Variants in ADAMTS17 observed in about 807,000 individuals in gnomAD.
ADAMTS17 encodes ADAM metallopeptidase with thrombospondin type 1 motif 17.
ADAMTS17 carries 113 observed loss-of-function variants against 141.5 expected under a neutral mutation model. The observed-to-expected ratio is 0.80, with a 90% CI of 0.69 to 0.93. The LOEUF is 0.93. ADAMTS17 is among the 40% of genes least tolerant of loss of function. The pLI is 0.00. For missense variants in ADAMTS17, 1,659 were observed against 1,517.9 expected, an observed-to-expected ratio of 1.09 and a Z score of -1.54; for synonymous variants, 768 against 630.6, an observed-to-expected ratio of 1.22 and a Z score of -3.27.
At chr15:100,007,289 T>A (rs1053540967) in intron 18 of ADAMTS17, among the ~76,000 whole-genome samples, 5 of 152,104 alleles carry the variant, frequency 3.3e-5, no homozygotes, top group Non-Finnish European at 7.4e-5. Flanking sequence ...GGATGTCTGG[T>A]CCACACCTTA....
chr15:100,277,215 C>T (rs780653201), intron 4 of ADAMTS17, among the ~76,000 whole-genome samples: 10 of 152,110 alleles, frequency 6.6e-5, no homozygotes, highest in African/African-American at 1.4e-4. Flanking sequence ...GTGTTAGCCC[C>T]GGGTCTGCCC....
intron 15 of ADAMTS17, chr15:100,063,814 C>T (rs77341156): frequency 0.058 from 71,352 of 1,221,990 alleles, 2,198 homozygotes; most frequent in African/African-American, 0.064. Context: ...CACCAGAGGC[C>T]GTGCAGCATC....
At chr15:100,139,388 G>C (rs1196571911) in intron 10 of ADAMTS17, among the ~76,000 whole-genome samples, 1 of 152,192 alleles carries the variant, frequency 6.6e-6, no homozygotes, top group Non-Finnish European at 1.5e-5. Context: ...GAGGATGTTT[G>C]GCAATGTCCG....
chr15:100,148,497 G>T, intron 10 of ADAMTS17, among the ~76,000 whole-genome samples: 1 of 151,482 alleles, frequency 6.6e-6, no homozygotes, highest in Non-Finnish European at 1.5e-5. Flanking sequence ...ATTTTTGCTG[G>T]GTATAGAATT....
chr15:99,999,424 G>A (rs753124840), intron 18 of ADAMTS17, among the ~76,000 whole-genome samples: 1 of 152,186 alleles, frequency 6.6e-6, no homozygotes, highest in Non-Finnish European at 1.5e-5. Context: ...CATCTCAGGA[G>A]AGCCTGGGAG....
At chr15:100,051,449 G>T in intron 17 of ADAMTS17, 123 bp downstream of exon 17, 1 of 1,398,472 alleles carries the variant, frequency 7.2e-7, no homozygotes, top group Non-Finnish European at 1.0e-6. Context: ...GGTGGGATAT[G>T]GTTAAATTCC....
Position 100,133,623 on chromosome 15 carries a change from C to A in ADAMTS17, c.1474-308G>T, listed in dbSNP as rs1046745489. On this transcript the variant is annotated intron_variant, in intron 10 of 21. Transcript: ENST00000268070. ...ACAGCCCTGGCCAGGAGCAGCAGCC[C>A]CTGCCTCCCAGGAGTGATGAGCAAA... is the stretch of plus-strand genomic sequence containing the variant. 3.3e-5 allele frequency among the ~76,000 whole-genome samples: 5 copies of A among 152,240 alleles called. No individual in the cohort carries two copies. In the East Asian group the frequency reaches 7.7e-4, roughly 24 times the overall value.
rs151063068 is a variant in ADAMTS17, at chr15:100,232,699, G to A, written c.1075+21437C>T. ...TGGACAAGTTATGTGACCCCACCAA[G>A]CCTGTTTCCTGAATAGCAGGAGTGA... On this transcript the variant is annotated intron_variant, in intron 7 of 21. Transcript: ENST00000268070. Among the ~76,000 whole-genome samples the A allele has an allele frequency of 1.2e-3, 190 of 152,348 alleles. 1 individual carries two copies. Among genetic ancestry groups the A allele is most frequent in the African/African-American group, 4.2e-3 (175 of 41,590 alleles).
At chr15:100,021,517 C>T (rs2141447543) in intron 18 of ADAMTS17, among the ~76,000 whole-genome samples, 1 of 152,264 alleles carries the variant, frequency 6.6e-6, no homozygotes, top group Non-Finnish European at 1.5e-5. Context: ...TCCAAGTAAC[C>T]TATGCTTCTC....
intron 13 of ADAMTS17, among the ~76,000 whole-genome samples, chr15:100,114,312 G>A (rs556721264): frequency 1.3e-5 from 2 of 152,078 alleles, no homozygotes; most frequent in Non-Finnish European, 2.9e-5. Context: ...AGAGCCCGGA[G>A]CCCAACCACA....
intron 7 of ADAMTS17, among the ~76,000 whole-genome samples, chr15:100,249,681 C>G (rs2043094272): frequency 6.6e-6 from 1 of 152,208 alleles, no homozygotes; most frequent in African/African-American, 2.4e-5. Context: ...CCAGTAGGTG[C>G]CCTTGGCTCA....
Position 100,063,607 on chromosome 15 carries a change from C to T in ADAMTS17, c.2138-9553G>A, listed in dbSNP as rs1056284210. ...ATAACCCGGGAGGAATGACACTGAA[C>T]CAATTTACCAGACTGATCATCAAAA... On this transcript the variant is annotated intron_variant, in intron 15 of 21. Coordinates refer to ENST00000268070, the MANE Select transcript of ADAMTS17 (RefSeq NM_139057.4). 7.2e-6 allele frequency: 9 copies of T among 1,254,584 alleles called. No homozygotes were observed. In the East Asian group the frequency reaches 4.5e-4, roughly 62 times the overall value. 77.7% of individuals were successfully genotyped at this position (1,254,584 alleles called of 1,614,324 possible).
rs191606671 is a variant in ADAMTS17, at chr15:100,195,129, A to G, written c.1181+4189T>C. On this transcript the variant is annotated intron_variant, in intron 8 of 21. Transcript: ENST00000268070. The stretch of plus-strand genomic sequence containing the variant: ...CACGGGCAAGAAGACAACCAAGGGC[A>G]CGGGTGTACATTTAGGAGCCTCCAG... Among the ~76,000 whole-genome samples, 234 of 152,328 alleles carry G rather than the reference A, an allele frequency of 1.5e-3. 1 individual carries two copies. The highest frequency in any genetic ancestry group is 5.4e-3 in the African/African-American group (223 of 41,584).
rs148127511 is a variant in ADAMTS17, at chr15:100,052,213, A to G, written c.2296-482T>C. On this transcript the variant is annotated intron_variant, in intron 16 of 21. Coordinates refer to ENST00000268070, the MANE Select transcript of ADAMTS17 (RefSeq NM_139057.4). Reference sequence around the variant, plus strand: ...CATCTTCCTTCACTCCCCATCATCAATCACTGCTGTGTCAGTTGGTCCAGA... The same window carrying G: ...CATCTTCCTTCACTCCCCATCATCAGTCACTGCTGTGTCAGTTGGTCCAGA... Among the ~76,000 whole-genome samples, 725 of 143,008 alleles carry G rather than the reference A, an allele frequency of 5.1e-3. 9 individuals are homozygous for G. In the Middle Eastern group the frequency reaches 0.058, roughly 11 times the overall value. The allele number at this position is 143,008 out of a possible 152,430, so 93.8% of individuals were successfully genotyped here.
rs541276654 is a variant in ADAMTS17, at chr15:100,320,505, C to G, written c.616+10384G>C. Among the ~76,000 whole-genome samples the G allele has an allele frequency of 5.3e-5, 8 of 152,286 alleles. No individual in the cohort carries two copies. In the South Asian group the frequency reaches 1.7e-3, roughly 32 times the overall value. On this transcript the variant is annotated intron_variant, in intron 3 of 21. Coordinates refer to ENST00000268070, the MANE Select transcript of ADAMTS17 (RefSeq NM_139057.4). ...TATCTTTAAAGTGTGAAGACTCAAC[C>G]TAGGATTCCACATTTGGATAAATCG... is the stretch of plus-strand genomic sequence containing the variant.
At chr15:100,319,728 T>G (rs763867687) in intron 3 of ADAMTS17, among the ~76,000 whole-genome samples, 3 of 149,248 alleles carry the variant, frequency 2.0e-5, no homozygotes, top group Admixed American at 6.7e-5. Flanking sequence ...GAAAAGAAAT[T>G]CAGAAGGTGG....
At chr15:100,279,129 C>T (rs1171696818) in intron 4 of ADAMTS17, among the ~76,000 whole-genome samples, 2 of 152,184 alleles carry the variant, frequency 1.3e-5, no homozygotes, top group African/African-American at 4.8e-5. Context: ...CCCAATCCGC[C>T]TCTAAAACAC....
chr15:100,126,931 C>T (rs760164594), intron 12 of ADAMTS17, among the ~76,000 whole-genome samples: 11 of 152,312 alleles, frequency 7.2e-5, no homozygotes, highest in Non-Finnish European at 1.0e-4. Context: ...TGTTGTAACA[C>T]GTGTAACGTA....
At chr15:100,242,969 A>T (rs908827013) in intron 7 of ADAMTS17, among the ~76,000 whole-genome samples, 1 of 152,156 alleles carries the variant, frequency 6.6e-6, no homozygotes, top group African/African-American at 2.4e-5. Context: ...TGCCCATTAA[A>T]CACAAATTCC....
Sources: allele counts gnomAD v4.1 joint callset (sites outside exome capture counted in the v4.1 genomes callset), GRCh38; gene constraint gnomAD v4.1.1; transcripts MANE v1.5; gene names NCBI Gene and HGNC (gene_info 2026-07-23, HGNC 2026-07-21).